Variants in FARP1 observed in about 807,000 individuals in gnomAD.
FARP1 encodes the protein FERM, ARH/RhoGEF and pleckstrin domain protein 1, also known as FERM, ARHGEF and pleckstrin domain-containing protein 1.
FARP1 carries 52 observed loss-of-function variants against 128.8 expected under a neutral mutation model. The ratio of observed to expected loss-of-function variants is 0.40; its 90% CI spans 0.32 to 0.51. The LOEUF (loss-of-function observed/expected upper bound fraction) is 0.51. Ranked by LOEUF, FARP1 falls within the 20% of genes least tolerant of loss-of-function variation. The pLI, the probability that FARP1 is intolerant of heterozygous loss-of-function variation, is 0.45. For synonymous variants in FARP1, 580 were observed against 551.8 expected, an observed-to-expected ratio of 1.05 and a Z score of -0.72; for missense variants, 1,333 against 1,367.9, an observed-to-expected ratio of 0.97 and a Z score of 0.40.
intron 2 of FARP1, among the ~76,000 whole-genome samples, chr13:98,257,046 A>G (rs1342603160): frequency 4.7e-5 from 7 of 148,474 alleles, no homozygotes. Context: ...TTATTTCAGT[A>G]TACATCTCTA....
chr13:98,147,978 T>C (rs1219994755), intron 1 of FARP1, among the ~76,000 whole-genome samples: 3 of 152,220 alleles, frequency 2.0e-5, no homozygotes, highest in Admixed American at 6.5e-5. Flanking sequence ...AATTGATAGA[T>C]TGCAGTTCTG....
Position 98,446,808 on chromosome 13 carries a change from C to T in FARP1, c.3047C>T (p.Thr1016Met), listed in dbSNP as rs765023336. 3.7e-6 allele frequency: 6 copies of T among 1,613,944 alleles called. No homozygotes were observed. Among genetic ancestry groups the T allele is most frequent in the South Asian group, 2.2e-5 (2 of 91,076 alleles). ...TACTTCAGGGCGGAAAGCGAGTACA[C>T]GTTCGAAAGGTAGACACCCCCTTCC... ...VYYFRAESEY[T>M]FERWMEVIRS... Residue 1016 changes from threonine (T) to methionine (M), a missense_variant, in exon 26 of 27, where the codon ACG (threonine) becomes ATG (methionine). By Grantham distance (81) the Thr-to-Met change is moderately conservative (BLOSUM62 -1). Around this residue, in one of 2 missense-constraint regions of FARP1, gnomAD observed 1,009 missense variants for 969.8 expected, o/e 1.04. Transcript: ENST00000319562.
intron 1 of FARP1, among the ~76,000 whole-genome samples, chr13:98,208,814 C>CCAG (rs1228257166): frequency 6.6e-6 from 1 of 152,046 alleles, no homozygotes; most frequent in African/African-American, 2.4e-5. Context: ...GACCTCAGGG[C>CCAG]CAGCCCTTGT....
Position 98,275,622 on chromosome 13 carries a change from TTC to T in FARP1, c.171+62215_171+62216del, listed in dbSNP as rs145109650. On this transcript the variant is annotated intron_variant, in intron 2 of 26. Transcript: ENST00000319562. ...AATGGTCCCCCCACTTCTTTTCTCT[TTC>T]TCTCTTTTTTTTTTTTTTTTTTGCA... Among the ~76,000 whole-genome samples, 596 of 130,106 alleles carry T rather than the reference TTC, an allele frequency of 4.6e-3. 6 individuals are homozygous for T. The highest frequency in any genetic ancestry group is 0.013 in the South Asian group (46 of 3,426). The allele number at this position is 130,106 out of a possible 152,430, so 85.4% of individuals were successfully genotyped here. A position where few individuals can be genotyped will look rare whatever the true frequency, so the allele number is the denominator to read the frequency against.
intron 1 of FARP1, among the ~76,000 whole-genome samples, chr13:98,177,603 C>T (rs1878181894): frequency 6.6e-6 from 1 of 151,614 alleles, no homozygotes; most frequent in South Asian, 2.1e-4. Flanking sequence ...GCCGAGATCA[C>T]GCCACTGTAC....
At chr13:98,442,611 A>G (rs1157878429) in intron 24 of FARP1, among the ~76,000 whole-genome samples, 1 of 152,170 alleles carries the variant, frequency 6.6e-6, no homozygotes, top group Non-Finnish European at 1.5e-5. Context: ...ATTCTTCCCC[A>G]GCTTCACACC....
chr13:98,153,525 A>C (rs1876250114), intron 1 of FARP1, among the ~76,000 whole-genome samples: 1 of 100,410 alleles, frequency 1.0e-5, no homozygotes, highest in Admixed American at 1.1e-4. Flanking sequence ...ATATTTATAT[A>C]TATATTATAT....
intron 5 of FARP1, among the ~76,000 whole-genome samples, chr13:98,370,321 G>C (rs1042250251): frequency 2.0e-5 from 3 of 151,898 alleles, no homozygotes; most frequent in African/African-American, 7.3e-5. Flanking sequence ...GTGGGAGAGA[G>C]GCTTGACACA....
chr13:98,150,191 A>G (rs572892821), intron 1 of FARP1, among the ~76,000 whole-genome samples: 25 of 151,812 alleles, frequency 1.6e-4, no homozygotes, highest in Non-Finnish European at 3.1e-4. Context: ...GGCATGCGCC[A>G]TGCTATTTTT....
chr13:98,440,637 A>C, intron 23 of FARP1, 33 bp from the exon 24 acceptor site: 1 of 1,590,614 alleles, frequency 6.3e-7, no homozygotes, highest in Non-Finnish European at 8.6e-7. Flanking sequence ...GGGAGGAAAG[A>C]TCAGAAGTGC....
chr13:98,170,149 A>G (rs1309291253), intron 1 of FARP1, among the ~76,000 whole-genome samples: 2 of 152,058 alleles, frequency 1.3e-5, no homozygotes, highest in African/African-American at 4.8e-5. Context: ...AATAGTCTAG[A>G]TTTTAAAACA....
Position 98,439,203 on chromosome 13 carries a change from A to G in FARP1, c.2433+7A>G, listed in dbSNP as rs758566670. Reference sequence around the variant, plus strand: ...CCCGCTCTATGGCATGACGGTGAGTACAGCACAGGCTCGTGGCCAGGGCCT... The same window carrying G: ...CCCGCTCTATGGCATGACGGTGAGTGCAGCACAGGCTCGTGGCCAGGGCCT... On this transcript the variant is annotated splice_region_variant and intron_variant, in intron 21 of 26. Transcript: ENST00000319562. 6 of 1,606,074 alleles carry G rather than the reference A, an allele frequency of 3.7e-6. No individual in the cohort carries two copies. The East Asian group carries it at 1.3e-4, about 36-fold the overall frequency.
At chr13:98,222,114 A>G (rs1489243656) in intron 2 of FARP1, among the ~76,000 whole-genome samples, 4 of 152,156 alleles carry the variant, frequency 2.6e-5, no homozygotes, top group Non-Finnish European at 4.4e-5. Flanking sequence ...AGCACTTTGT[A>G]ACTTTGAAGG....
intron 1 of FARP1, among the ~76,000 whole-genome samples, chr13:98,185,620 C>T (rs1878808461): frequency 6.6e-6 from 1 of 150,738 alleles, no homozygotes; most frequent in Admixed American, 6.7e-5. Flanking sequence ...TTAACACATA[C>T]CAGGTGATTT....
At chr13:98,211,777 G>A (rs113191616) in intron 1 of FARP1, among the ~76,000 whole-genome samples, 128 of 152,236 alleles carry the variant, frequency 8.4e-4, no homozygotes, top group African/African-American at 2.9e-3. Flanking sequence ...TGGAAATCTC[G>A]TTCCCTTATG....
chr13:98,311,139 T>C (rs556475211), intron 2 of FARP1, among the ~76,000 whole-genome samples: 43 of 152,244 alleles, frequency 2.8e-4, no homozygotes, highest in Non-Finnish European at 4.9e-4. Flanking sequence ...CCACTCTTGA[T>C]TGAACTTTCA....
chr13:98,241,173 G>C (rs144220437), intron 2 of FARP1, among the ~76,000 whole-genome samples: 11 of 152,338 alleles, frequency 7.2e-5, no homozygotes, highest in African/African-American at 2.6e-4. Context: ...GAATGAGGTG[G>C]TTTCTGCCAG....
intron 13 of FARP1, chr13:98,399,805 G>T (rs1480708554): frequency 6.6e-6 from 1 of 152,110 alleles, no homozygotes; most frequent in Non-Finnish European, 1.5e-5. Flanking sequence ...ATCTTTTGTT[G>T]GATATTATTT....
intron 13 of FARP1, among the ~76,000 whole-genome samples, chr13:98,408,363 T>C (rs1891058027): frequency 6.8e-6 from 1 of 147,382 alleles, no homozygotes; most frequent in African/African-American, 2.5e-5. Context: ...AGTCTCACTT[T>C]GTCGCCCAGG....
Sources: allele counts gnomAD v4.1 joint callset (sites outside exome capture counted in the v4.1 genomes callset), GRCh38; gene constraint gnomAD v4.1.1; regional missense constraint gnomAD v4.1.1; transcripts MANE v1.5; gene names NCBI Gene and HGNC (gene_info 2026-07-23, HGNC 2026-07-21).